SH3RF3: variants seen among roughly 807,000 people sequenced by gnomAD.
The protein encoded by SH3RF3 is SH3 domain containing ring finger 3, also known as E3 ubiquitin-protein ligase SH3RF3.
Under a neutral mutation model 66.3 loss-of-function variants are expected in SH3RF3, and 29 were observed. That is an observed-to-expected ratio of 0.44 (90% CI 0.33 to 0.60). The LOEUF (loss-of-function observed/expected upper bound fraction) is 0.60, where lower values mean the gene tolerates loss of function less well. SH3RF3 is among the 20% of genes least tolerant of loss of function. The pLI is 0.04. For synonymous variants in SH3RF3, 583 were observed against 532.0 expected (o/e 1.10, Z -1.32); for missense variants, 1,194 against 1,190.9 (o/e 1.00, Z -0.04).
Position 109,378,858 on chromosome 2 carries a change from A to C in SH3RF3, c.945+7177A>C, listed in dbSNP as rs560747289. Among the ~76,000 whole-genome samples, 4 of 152,320 alleles carry C rather than the reference A, an allele frequency of 2.6e-5. No homozygotes were observed. The South Asian group carries it at 8.3e-4, about 32-fold the overall frequency. ...TCTCCTTGTGGGCAGTTCTTTCCCC[A>C]GTGCTGGATAGTTCCCTCATATGAA... On this transcript the variant is annotated intron_variant, in intron 3 of 9. Transcript: ENST00000309415.
chr2:109,299,369 T>G (rs943273577), intron 1 of SH3RF3, among the ~76,000 whole-genome samples: 2 of 151,768 alleles, frequency 1.3e-5, no homozygotes, highest in Admixed American at 6.6e-5. Flanking sequence ...TGACCACATA[T>G]TCCAGAAAGT....
chr2:109,420,800 A>T lies in SH3RF3; in HGVS notation c.1403+1158A>T, dbSNP rs539228020. On this transcript the variant is annotated intron_variant, in intron 5 of 9. Transcript: ENST00000309415. ...TTTGAAGAGCAACTTGCCAAGCTTC[A>T]AAAGGTCTAGAAGTAGCTCAGCTGC... Among the ~76,000 whole-genome samples the T allele has an allele frequency of 2.0e-5, 3 of 152,332 alleles. No homozygotes were observed. In the East Asian group the frequency reaches 5.8e-4, roughly 29 times the overall value.
chr2:109,289,038 C>T (rs755893952), intron 1 of SH3RF3, among the ~76,000 whole-genome samples: 2 of 152,286 alleles, frequency 1.3e-5, no homozygotes, highest in South Asian at 4.1e-4. Context: ...CACTAACATT[C>T]GTTTGTCAAC....
At chr2:109,230,754 A>T (rs989913206) in intron 1 of SH3RF3, among the ~76,000 whole-genome samples, 16 of 152,234 alleles carry the variant, frequency 1.1e-4, no homozygotes, top group Admixed American at 1.0e-3. Context: ...TGTTGACTTA[A>T]AATGGGTTTG....
chr2:109,373,547 G>A (rs1019748708), intron 3 of SH3RF3, among the ~76,000 whole-genome samples: 16 of 152,274 alleles, frequency 1.1e-4, no homozygotes, highest in Admixed American at 9.8e-4. Flanking sequence ...AAAGAAGCCA[G>A]ACATAAAAGT....
At chr2:109,181,329 A>T (rs1346225819) in intron 1 of SH3RF3, among the ~76,000 whole-genome samples, 1 of 152,226 alleles carries the variant, frequency 6.6e-6, no homozygotes, top group Non-Finnish European at 1.5e-5. Flanking sequence ...AGCAATTAAC[A>T]TGGGTACATT....
intron 8 of SH3RF3, among the ~76,000 whole-genome samples, chr2:109,483,010 C>T (rs752330968): frequency 3.3e-5 from 5 of 152,146 alleles, no homozygotes; most frequent in Admixed American, 2.6e-4. Flanking sequence ...TTAATTATCT[C>T]GTTCACTTTT....
chr2:109,240,436 C>A (rs1485924307), intron 1 of SH3RF3, among the ~76,000 whole-genome samples: 2 of 152,030 alleles, frequency 1.3e-5, no homozygotes, highest in Admixed American at 6.6e-5. Flanking sequence ...TGCAGTGAGC[C>A]AAGATCGCAC....
intron 1 of SH3RF3, among the ~76,000 whole-genome samples, chr2:109,330,041 T>C (rs2105484661): frequency 6.6e-6 from 1 of 152,348 alleles, no homozygotes; most frequent in African/African-American, 2.4e-5. Context: ...TACAAAACAT[T>C]GAATTTCATC....
chr2:109,259,748 G>C (rs1680306618), intron 1 of SH3RF3, among the ~76,000 whole-genome samples: 1 of 152,206 alleles, frequency 6.6e-6, no homozygotes, highest in Admixed American at 6.5e-5. Context: ...CTTCATGGAG[G>C]CTTCACGTAG....
intron 5 of SH3RF3, among the ~76,000 whole-genome samples, chr2:109,421,905 A>G (rs1413496575): frequency 1.3e-5 from 2 of 152,186 alleles, no homozygotes; most frequent in East Asian, 3.9e-4. Context: ...AACATTACAT[A>G]CGTTACAGCA....
chr2:109,326,744 C>G (rs1682169337), intron 1 of SH3RF3, among the ~76,000 whole-genome samples: 1 of 152,232 alleles, frequency 6.6e-6, no homozygotes, highest in African/African-American at 2.4e-5. Context: ...TTTACTGCCA[C>G]TGTTCTAAGT....
intron 2 of SH3RF3, among the ~76,000 whole-genome samples, chr2:109,358,321 C>G (rs1465329301): frequency 6.6e-6 from 1 of 152,282 alleles, no homozygotes; most frequent in African/African-American, 2.4e-5. Context: ...TTGGTTACTT[C>G]CATGTTTGGG....
At chr2:109,380,183 G>A (rs1356367058) in intron 3 of SH3RF3, among the ~76,000 whole-genome samples, 1 of 152,190 alleles carries the variant, frequency 6.6e-6, no homozygotes, top group Non-Finnish European at 1.5e-5. Flanking sequence ...GCAAAAATAG[G>A]TAGGTGCCTA....
chr2:109,448,672 A>T (rs1260407057), intron 7 of SH3RF3, among the ~76,000 whole-genome samples: 6 of 152,186 alleles, frequency 3.9e-5, no homozygotes, highest in Non-Finnish European at 8.8e-5. Context: ...ATTCTATGTT[A>T]TGGTGAGTTG....
chr2:109,170,284 CT>C (rs1677740720), intron 1 of SH3RF3, among the ~76,000 whole-genome samples: 3 of 128,294 alleles, frequency 2.3e-5, no homozygotes, highest in Non-Finnish European at 3.3e-5. Context: ...CTTCTCTTCT[CT>C]TCTCTTCTCT....
chr2:109,316,388 GT>G (rs1469262161), intron 1 of SH3RF3, among the ~76,000 whole-genome samples: 1 of 152,206 alleles, frequency 6.6e-6, no homozygotes, highest in African/African-American at 2.4e-5. Flanking sequence ...CTGGTGCCAT[GT>G]TTCTCCCTGG....
At chr2:109,453,299 A>G (rs1347078522) in intron 8 of SH3RF3, among the ~76,000 whole-genome samples, 1 of 152,212 alleles carries the variant, frequency 6.6e-6, no homozygotes, top group African/African-American at 2.4e-5. Flanking sequence ...CAGGCCCCCA[A>G]CACCCACAAG....
At chr2:109,145,054 G>A (rs568052250) in intron 1 of SH3RF3, among the ~76,000 whole-genome samples, 14 of 152,342 alleles carry the variant, frequency 9.2e-5, no homozygotes, top group South Asian at 6.2e-4. Context: ...GGAGAAGCTC[G>A]TAAGCAGAGT....
Sources: allele counts gnomAD v4.1 joint callset (sites outside exome capture counted in the v4.1 genomes callset), GRCh38; gene constraint gnomAD v4.1.1; transcripts MANE v1.5; gene names NCBI Gene and HGNC (gene_info 2026-07-23, HGNC 2026-07-21).